Variants in LDAH observed in about 807,000 individuals in gnomAD.
LDAH encodes the protein lipid droplet associated hydrolase, also known as lipid droplet-associated hydrolase.
Under a neutral mutation model 29.6 loss-of-function variants are expected in LDAH, and 26 were observed. The ratio of observed to expected loss-of-function variants is 0.88; its 90% CI spans 0.64 to 1.22. The LOEUF (loss-of-function observed/expected upper bound fraction) is 1.22, where lower values mean the gene tolerates loss of function less well. Ranked by LOEUF, LDAH falls within the 50% of genes most tolerant of loss-of-function variation. The pLI, the probability that LDAH is intolerant of heterozygous loss-of-function variation, is 0.00. For missense variants in LDAH, 344 were observed against 387.3 expected, an observed-to-expected ratio of 0.89 and a Z score of 0.94; for synonymous variants, 117 against 133.0, an observed-to-expected ratio of 0.88 and a Z score of 0.83.
intron 6 of LDAH, among the ~76,000 whole-genome samples, chr2:20,693,961 C>T (rs1270483739): frequency 6.6e-6 from 1 of 152,236 alleles, no homozygotes; most frequent in Non-Finnish European, 1.5e-5. Flanking sequence ...GCCTTTCTTC[C>T]AGAGGTCTAA....
chr2:20,778,950 T>C (rs940934015), intron 3 of LDAH, among the ~76,000 whole-genome samples: 2 of 151,930 alleles, frequency 1.3e-5, no homozygotes, highest in African/African-American at 2.4e-5. Context: ...TATGGCTATA[T>C]ACTGAATATA....
At chr2:20,787,612 C>A (rs2043717) in intron 3 of LDAH, among the ~76,000 whole-genome samples, 1 of 151,932 alleles carries the variant, frequency 6.6e-6, no homozygotes, top group Non-Finnish European at 1.5e-5. Flanking sequence ...TTTCTTATTG[C>A]GAGGAGAGAA....
chr2:20,818,369 C>T (rs1342106520), intron 1 of LDAH, among the ~76,000 whole-genome samples: 1 of 152,072 alleles, frequency 6.6e-6, no homozygotes, highest in East Asian at 1.9e-4. Flanking sequence ...GGAATCTTAG[C>T]ACATAGCCCT....
At chr2:20,726,362 G>A (rs986462726) in intron 5 of LDAH, among the ~76,000 whole-genome samples, 1 of 151,790 alleles carries the variant, frequency 6.6e-6, no homozygotes, top group Non-Finnish European at 1.5e-5. Flanking sequence ...AGTCAAGCAG[G>A]GCTGTGTGGG....
rs538973295 is a variant in LDAH at position 20,685,473 on chromosome 2, C to T, written c.*1430G>A. 129 of 1,517,930 alleles carry T rather than the reference C, an allele frequency of 8.5e-5. No individual in the cohort carries two copies. The African/African-American group carries it at 1.6e-3, about 19-fold the overall frequency. The allele number at this position is 1,517,930 out of a possible 1,614,324, so 94.0% of individuals were successfully genotyped here. A position where few individuals can be genotyped will look rare whatever the true frequency, so the allele number is the denominator to read the frequency against. ...ACAGCACTCCTTGTCTGGAGCTTGGCTTTTCCCCTCTGAGAAGTCACTTGC... is the reference window on the plus strand; with the variant it reads ...ACAGCACTCCTTGTCTGGAGCTTGGTTTTTCCCCTCTGAGAAGTCACTTGC... On this transcript the variant is annotated 3_prime_UTR_variant, in exon 7 of 7. Coordinates refer to ENST00000237822, the MANE Select transcript of LDAH (RefSeq NM_021925.4).
At chr2:20,800,774 T>C (rs993568437) in intron 2 of LDAH, among the ~76,000 whole-genome samples, 1 of 152,014 alleles carries the variant, frequency 6.6e-6, no homozygotes, top group Non-Finnish European at 1.5e-5. Flanking sequence ...GCTGGGACTA[T>C]AGGCATGTGC....
intron 6 of LDAH, among the ~76,000 whole-genome samples, chr2:20,697,311 T>C (rs566868464): frequency 6.6e-6 from 1 of 152,360 alleles, no homozygotes; most frequent in South Asian, 2.1e-4. Context: ...CCTTTGATTC[T>C]ATCTCCTAAA....
chr2:20,748,501 TCTC>T (rs1467305787), intron 4 of LDAH, among the ~76,000 whole-genome samples: 2 of 152,208 alleles, frequency 1.3e-5, no homozygotes, highest in African/African-American at 2.4e-5. Context: ...AAAATGCTGT[TCTC>T]CTCAGCTTGA....
chr2:20,755,838 G>A (rs1668302452), intron 4 of LDAH, among the ~76,000 whole-genome samples: 2 of 152,140 alleles, frequency 1.3e-5, no homozygotes, highest in Admixed American at 1.3e-4. Flanking sequence ...TTTGCTTCAG[G>A]ATGCTGTGTG....
At chr2:20,793,588 C>T (rs1671110148) in intron 2 of LDAH, among the ~76,000 whole-genome samples, 1 of 152,072 alleles carries the variant, frequency 6.6e-6, no homozygotes, top group Admixed American at 6.6e-5. Context: ...AAGAGAAATA[C>T]AATCATGTGA....
intron 5 of LDAH, among the ~76,000 whole-genome samples, chr2:20,705,279 C>T (rs774703005): frequency 5.3e-5 from 8 of 152,132 alleles, no homozygotes; most frequent in Non-Finnish European, 1.2e-4. Context: ...TGACTACTTC[C>T]CTTTGTCCTG....
At chr2:20,717,047 T>C (rs1665266172) in intron 5 of LDAH, among the ~76,000 whole-genome samples, 1 of 152,128 alleles carries the variant, frequency 6.6e-6, no homozygotes, top group Non-Finnish European at 1.5e-5. Context: ...AACTGGATAG[T>C]CCTATGGAGA....
chr2:20,704,831 T>G (rs1004823334), intron 5 of LDAH, among the ~76,000 whole-genome samples: 2 of 152,226 alleles, frequency 1.3e-5, no homozygotes, highest in African/African-American at 2.4e-5. Context: ...AATTCTTTCT[T>G]CAAAAATGCA....
At chr2:20,709,413 G>A (rs1298853639) in intron 5 of LDAH, among the ~76,000 whole-genome samples, 1 of 152,054 alleles carries the variant, frequency 6.6e-6, no homozygotes, top group Non-Finnish European at 1.5e-5. Flanking sequence ...GTGAAAAGAT[G>A]TTCAACATCA....
chr2:20,821,618 G>A (rs1415309601), intron 1 of LDAH, among the ~76,000 whole-genome samples: 1 of 152,138 alleles, frequency 6.6e-6, no homozygotes, highest in African/African-American at 2.4e-5. Context: ...GCCTGTTGTG[G>A]GGTGGGGTGA....
chr2:20,773,500 T>G (rs997220892), intron 4 of LDAH, among the ~76,000 whole-genome samples: 2 of 151,964 alleles, frequency 1.3e-5, no homozygotes, highest in Non-Finnish European at 2.9e-5. Context: ...TGCAAAATGC[T>G]AAAAGGAAAA....
chr2:20,802,023 C>CATAT, intron 1 of LDAH, among the ~76,000 whole-genome samples: 1 of 149,398 alleles, frequency 6.7e-6, no homozygotes, highest in South Asian at 2.1e-4. Flanking sequence ...CATATACATA[C>CATAT]ATATCCACAC....
intron 6 of LDAH, among the ~76,000 whole-genome samples, chr2:20,697,529 A>G (rs1456862233): frequency 6.6e-6 from 1 of 152,140 alleles, no homozygotes; most frequent in Non-Finnish European, 1.5e-5. Context: ...ATACATTCTG[A>G]TTGGTCAATC....
intron 5 of LDAH, among the ~76,000 whole-genome samples, chr2:20,736,272 T>C (rs1319015151): frequency 6.6e-6 from 1 of 152,044 alleles, no homozygotes; most frequent in Non-Finnish European, 1.5e-5. Context: ...TGAAACCCCA[T>C]CTCTACTAAA....
Sources: gnomAD v4.1 joint callset for allele counts (sites outside exome capture counted in the v4.1 genomes callset) on GRCh38, gnomAD v4.1.1 for gene constraint, MANE v1.5 for transcripts, NCBI Gene and HGNC (gene_info 2026-07-23, HGNC 2026-07-21) for gene names.